ELAVL2: variants seen among roughly 807,000 people sequenced by gnomAD.
ELAVL2 encodes ELAV-like protein 2.
A neutral mutation model predicts 34.6 loss-of-function variants in ELAVL2; 4 were observed. That is an observed-to-expected ratio of 0.12 (90% CI 0.06 to 0.26). The LOEUF is 0.26. Ranked by LOEUF, ELAVL2 falls within the 10% of genes least tolerant of loss-of-function variation. ELAVL2 has a pLI of 1.00. For missense variants in ELAVL2, 432 were observed against 442.8 expected (o/e 0.98, Z 0.22); for synonymous variants, 193 against 154.8 (o/e 1.25, Z -1.83).
At chr9:23,721,091 C>G (rs1246713194) in intron 3 of ELAVL2, among the ~76,000 whole-genome samples, 1 of 152,192 alleles carries the variant, frequency 6.6e-6, no homozygotes, top group African/African-American at 2.4e-5. Context: ...CCTTGCCATC[C>G]ACTGATCGTT....
At chr9:23,705,739 G>T (rs763367227) in intron 3 of ELAVL2, among the ~76,000 whole-genome samples, 1 of 152,200 alleles carries the variant, frequency 6.6e-6, no homozygotes, top group Non-Finnish European at 1.5e-5. Flanking sequence ...CAGCTAATCG[G>T]ACAGGAGGTG....
chr9:23,708,660 T>G (rs2040078738), intron 3 of ELAVL2, among the ~76,000 whole-genome samples: 1 of 152,256 alleles, frequency 6.6e-6, no homozygotes, highest in African/African-American at 2.4e-5. Flanking sequence ...TTTATTATTT[T>G]GAGACGGAGT....
intron 3 of ELAVL2, among the ~76,000 whole-genome samples, chr9:23,706,920 GC>G: frequency 6.6e-6 from 1 of 152,166 alleles, no homozygotes; most frequent in African/African-American, 2.4e-5. Flanking sequence ...TCACACCCCT[GC>G]CCCAATGGTG....
intron 1 of ELAVL2, among the ~76,000 whole-genome samples, chr9:23,766,697 C>T (rs2056333943): frequency 6.6e-6 from 1 of 152,080 alleles, no homozygotes; most frequent in Non-Finnish European, 1.5e-5. Context: ...CCGCTTGAGG[C>T]AGACACATAC....
At chr9:23,796,977 G>A (rs926549103) in intron 1 of ELAVL2, among the ~76,000 whole-genome samples, 7 of 150,812 alleles carry the variant, frequency 4.6e-5, no homozygotes, top group Admixed American at 2.6e-4. Context: ...CAGGGACAAT[G>A]GACTGCAAAG....
chr9:23,771,120 T>G (rs1003826916), intron 1 of ELAVL2, among the ~76,000 whole-genome samples: 1 of 152,144 alleles, frequency 6.6e-6, no homozygotes, highest in African/African-American at 2.4e-5. Context: ...AACAGACCAG[T>G]CAAGAAGCAA....
At chr9:23,847,781 T>A in the ELAVL2 span, among the ~76,000 whole-genome samples, 4 of 152,132 alleles carry the variant, frequency 2.6e-5, no homozygotes, top group African/African-American at 9.7e-5. Context: ...ATTAAATATA[T>A]AGCATTAAAG....
intron 2 of ELAVL2, among the ~76,000 whole-genome samples, chr9:23,750,678 T>C (rs901499558): frequency 2.0e-5 from 3 of 152,194 alleles, no homozygotes; most frequent in African/African-American, 2.4e-5. Flanking sequence ...AAGATGTCAA[T>C]TGATTTGATA....
chr9:23,796,028 A>C (rs999164581), intron 1 of ELAVL2, among the ~76,000 whole-genome samples: 1 of 152,212 alleles, frequency 6.6e-6, no homozygotes, highest in African/African-American at 2.4e-5. Context: ...AAGTGTACCC[A>C]TTTTGGTCCT....
intron 1 of ELAVL2, among the ~76,000 whole-genome samples, chr9:23,777,872 A>T (rs75814103): frequency 0.03 from 4,608 of 152,314 alleles, 90 homozygotes; most frequent in East Asian, 0.075. Context: ...CATTACAAAT[A>T]ACCAAAATGG....
intron 2 of ELAVL2, among the ~76,000 whole-genome samples, chr9:23,755,082 A>T (rs1414863046): frequency 6.6e-6 from 1 of 152,144 alleles, no homozygotes; most frequent in Non-Finnish European, 1.5e-5. Context: ...TTAAAATGGT[A>T]TATAAGCCCC....
At chr9:23,755,996 A>G (rs1017843111) in intron 2 of ELAVL2, among the ~76,000 whole-genome samples, 2 of 152,168 alleles carry the variant, frequency 1.3e-5, no homozygotes, top group African/African-American at 4.8e-5. Flanking sequence ...CTCATAGGAA[A>G]TAAGTGCTAT....
intron 1 of ELAVL2, among the ~76,000 whole-genome samples, chr9:23,807,403 C>T (rs912643140): frequency 6.6e-6 from 1 of 152,074 alleles, no homozygotes; most frequent in Non-Finnish European, 1.5e-5. Flanking sequence ...CTCTTACGAA[C>T]ATACCTAGCC....
the ELAVL2 span, among the ~76,000 whole-genome samples, chr9:23,848,652 A>G: frequency 6.6e-6 from 1 of 152,226 alleles, no homozygotes; most frequent in Non-Finnish European, 1.5e-5. Context: ...TTATTGCAAT[A>G]CAATCATTTT....
intron 2 of ELAVL2, among the ~76,000 whole-genome samples, chr9:23,748,699 C>T (rs559234809): frequency 2.0e-5 from 3 of 152,050 alleles, no homozygotes; most frequent in Middle Eastern, 3.4e-3. Flanking sequence ...GTTTCTTTTA[C>T]GGGGAATGTG....
chr9:23,730,886 A>C (rs778101525), intron 3 of ELAVL2, 136 bp downstream of exon 3: 17 of 771,940 alleles, frequency 2.2e-5, no homozygotes, highest in Non-Finnish European at 3.2e-5. Context: ...TCTTGCAACA[A>C]ACACCAAAAT....
At position 23,692,397 on chromosome 9, in the gene ELAVL2, T is replaced by A. The variant is rs1385893258; in HGVS notation, c.*160A>T. The A allele has an allele frequency of 5.5e-6, 4 of 732,336 alleles. No individual in the cohort carries two copies. The highest frequency in any genetic ancestry group is 8.6e-6 in the Non-Finnish European group (4 of 462,836). The allele number at this position is 732,336 out of a possible 1,614,324, so 45.4% of individuals were successfully genotyped here. On this transcript the variant is annotated 3_prime_UTR_variant, in exon 7 of 7. Transcript: ENST00000397312. ...ATTTAAGAAGTTTTAATTCAAATAC[T>A]AGCAATAAAAAATCTCACATATTTC...
the ELAVL2 span, among the ~76,000 whole-genome samples, chr9:23,836,318 T>C: frequency 6.6e-6 from 1 of 152,196 alleles, no homozygotes; most frequent in African/African-American, 2.4e-5. Flanking sequence ...GAGTAACAAA[T>C]AGACATTTCC....
At chr9:23,788,659 A>T (rs2059984899) in intron 1 of ELAVL2, among the ~76,000 whole-genome samples, 1 of 152,198 alleles carries the variant, frequency 6.6e-6, no homozygotes, top group Non-Finnish European at 1.5e-5. Flanking sequence ...GCACTTTAAC[A>T]TCCTCTCTTT....
Sources: gnomAD v4.1 joint callset for allele counts (sites outside exome capture counted in the v4.1 genomes callset) on GRCh38, gnomAD v4.1.1 for gene constraint, MANE v1.5 for transcripts, NCBI Gene and HGNC (gene_info 2026-07-23, HGNC 2026-07-21) for gene names.